Variants in PDE4B observed in about 807,000 individuals in gnomAD.
PDE4B encodes 3',5'-cyclic-AMP phosphodiesterase 4B.
Under a neutral mutation model 82.2 loss-of-function variants are expected in PDE4B, and 20 were observed. That is an observed-to-expected ratio of 0.24 (90% CI 0.17 to 0.35). The LOEUF is 0.35. Among genes scored for constraint, PDE4B ranks in the 10% least tolerant of loss-of-function variants. The probability of loss-of-function intolerance (pLI) is 1.00; values close to 1 mark genes in which losing one functional copy is unlikely to be tolerated. For synonymous variants in PDE4B, 320 were observed against 318.9 expected (o/e 1.00, Z -0.04); for missense variants, 655 against 907.2 (o/e 0.72, Z 3.57).
chr1:66,106,844 TC>T (rs1488211839), intron 3 of PDE4B, among the ~76,000 whole-genome samples: 2 of 100,348 alleles, frequency 2.0e-5, no homozygotes, highest in East Asian at 7.4e-4. Flanking sequence ...TCTTTATTAG[TC>T]TTGCTAGCAT....
chr1:66,235,753 G>T (rs1045196787), intron 3 of PDE4B, among the ~76,000 whole-genome samples: 6 of 151,870 alleles, frequency 4.0e-5, no homozygotes, highest in Non-Finnish European at 7.4e-5. Context: ...TTTTCTATTT[G>T]TCTTATCCAT....
intron 1 of PDE4B, among the ~76,000 whole-genome samples, chr1:65,875,712 A>G (rs1646632108): frequency 6.7e-6 from 1 of 149,192 alleles, no homozygotes. Flanking sequence ...CAAAAAAGCA[A>G]ACACCGCATA....
chr1:66,368,698 G>A, intron 15 of PDE4B, 89 bp from the exon 16 acceptor site: 2 of 1,011,836 alleles, frequency 2.0e-6, no homozygotes, highest in African/African-American at 3.3e-5. Flanking sequence ...CTCGGGTTTA[G>A]TACCAAGCGT....
chr1:66,217,729 G>C (rs565869388), intron 3 of PDE4B, among the ~76,000 whole-genome samples: 2 of 152,110 alleles, frequency 1.3e-5, no homozygotes, highest in Non-Finnish European at 1.5e-5. Flanking sequence ...TCAAGGCCTA[G>C]GTTCTGTTGC....
At chr1:65,958,688 T>C (rs549676043) in intron 3 of PDE4B, among the ~76,000 whole-genome samples, 64 of 152,276 alleles carry the variant, frequency 4.2e-4, no homozygotes, top group Admixed American at 4.1e-3. Context: ...TTTCTAATAA[T>C]GTGTCCATTT....
intron 8 of PDE4B, among the ~76,000 whole-genome samples, chr1:66,339,142 CAG>C (rs1158771195): frequency 6.6e-6 from 1 of 151,396 alleles, no homozygotes; most frequent in Non-Finnish European, 1.5e-5. Flanking sequence ...GACCATAAAA[CAG>C]AGAATTAATG....
chr1:66,148,954 G>A (rs1453083129), intron 3 of PDE4B, among the ~76,000 whole-genome samples: 2 of 152,194 alleles, frequency 1.3e-5, no homozygotes, highest in African/African-American at 4.8e-5. Flanking sequence ...CATGAACAAT[G>A]CTGTTATGAG....
chr1:66,271,318 G>C (rs1330940347), intron 7 of PDE4B, among the ~76,000 whole-genome samples: 2 of 152,268 alleles, frequency 1.3e-5, no homozygotes, highest in Non-Finnish European at 2.9e-5. Context: ...CTAGCTGCCT[G>C]AACAGTTGAG....
intron 3 of PDE4B, among the ~76,000 whole-genome samples, chr1:65,970,914 G>C (rs551249300): frequency 8.6e-4 from 131 of 151,826 alleles, no homozygotes; most frequent in African/African-American, 3.1e-3. Context: ...GAAAACCCGG[G>C]TCTGGACAGG....
At chr1:66,298,250 A>G (rs1326195069) in intron 7 of PDE4B, among the ~76,000 whole-genome samples, 1 of 152,102 alleles carries the variant, frequency 6.6e-6, no homozygotes, top group Non-Finnish European at 1.5e-5. Context: ...AAATTTTGAA[A>G]ATAGGAGGAG....
intron 3 of PDE4B, among the ~76,000 whole-genome samples, chr1:65,924,515 C>A (rs1340090880): frequency 6.6e-6 from 1 of 151,696 alleles, no homozygotes; most frequent in Non-Finnish European, 1.5e-5. Flanking sequence ...GTTTTCTATT[C>A]CCTGCTATCT....
At chr1:66,070,268 G>C (rs1656087560) in intron 3 of PDE4B, among the ~76,000 whole-genome samples, 1 of 151,830 alleles carries the variant, frequency 6.6e-6, no homozygotes, top group Non-Finnish European at 1.5e-5. Context: ...AGGAGAAAAA[G>C]GTCTGTTGAA....
At chr1:66,365,837 G>A (rs1557732198) in intron 13 of PDE4B, 71 bp downstream of exon 13, 2 of 829,468 alleles carry the variant, frequency 2.4e-6, no homozygotes, top group Non-Finnish European at 3.9e-6. Context: ...TCCTCCTAAT[G>A]TTTTCATTAT....
At chr1:65,977,591 T>TA (rs1361857861) in intron 3 of PDE4B, among the ~76,000 whole-genome samples, 4 of 152,282 alleles carry the variant, frequency 2.6e-5, no homozygotes, top group African/African-American at 9.6e-5. Flanking sequence ...CACTTTGTAA[T>TA]AAAAAAATCA....
chr1:65,871,765 A>G (rs1179211505), intron 1 of PDE4B, among the ~76,000 whole-genome samples: 1 of 152,184 alleles, frequency 6.6e-6, no homozygotes, highest in African/African-American at 2.4e-5. Context: ...GACTTGTGTG[A>G]CAGTCCCATA....
intron 7 of PDE4B, among the ~76,000 whole-genome samples, chr1:66,273,203 G>A (rs571940018): frequency 1.3e-5 from 2 of 152,140 alleles, no homozygotes; most frequent in East Asian, 3.9e-4. Flanking sequence ...CCCACTTTAC[G>A]CTGCCACCCC....
intron 1 of PDE4B, among the ~76,000 whole-genome samples, chr1:65,873,047 A>G (rs1203646936): frequency 6.6e-6 from 1 of 152,142 alleles, no homozygotes; most frequent in East Asian, 1.9e-4. Flanking sequence ...ATGCCAAAAC[A>G]AAAAGCCCCT....
At chr1:66,332,722 T>C in intron 8 of PDE4B, 102 bp downstream of exon 8, 1 of 859,944 alleles carries the variant, frequency 1.2e-6, no homozygotes, top group Non-Finnish European at 1.8e-6. Context: ...TGCTACCAAC[T>C]CTAAGAATAT....
chr1:65,949,282 CAT>C (rs1648874236), intron 3 of PDE4B, among the ~76,000 whole-genome samples: 1 of 152,116 alleles, frequency 6.6e-6, no homozygotes, highest in South Asian at 2.1e-4. Flanking sequence ...TTTTCTGTCT[CAT>C]AGAACGGACC....
Sources: gnomAD v4.1 joint callset for allele counts (sites outside exome capture counted in the v4.1 genomes callset) on GRCh38, gnomAD v4.1.1 for gene constraint, MANE v1.5 for transcripts, NCBI Gene and HGNC (gene_info 2026-07-23, HGNC 2026-07-21) for gene names.